PLD1: variants seen among roughly 807,000 people sequenced by gnomAD.
PLD1 encodes choline phosphatase 1.
PLD1 carries 112 observed loss-of-function variants against 137.1 expected under a neutral mutation model. That is an observed-to-expected ratio of 0.82 (90% CI 0.70 to 0.96). PLD1 has a LOEUF of 0.96. PLD1 is among the 40% of genes least tolerant of loss of function. The probability of loss-of-function intolerance (pLI) is 0.00; values close to 1 mark genes in which losing one functional copy is unlikely to be tolerated. For synonymous variants in PLD1, 431 were observed against 454.7 expected, an observed-to-expected ratio of 0.95 and a Z score of 0.66; for missense variants, 1,321 against 1,342.0, an observed-to-expected ratio of 0.98 and a Z score of 0.24.
In PLD1 at chr3:171,710,872, C is replaced by CTTTTTTTTTTTT. The variant is rs774704143; in HGVS notation, c.912-1175_912-1164dup. 5.1e-4 allele frequency among the ~76,000 whole-genome samples: 50 copies of CTTTTTTTTTTTT among 98,560 alleles called. 5 individuals are homozygous for CTTTTTTTTTTTT. The highest frequency in any genetic ancestry group is 1.8e-3 in the African/African-American group (38 of 21,370). The allele number at this position is 98,560 out of a possible 152,430, so 64.7% of individuals were successfully genotyped here. ...TTTCACTAATCATAGGAAAACTGTT[C>CTTTTTTTTTTTT]TTTTTTTTTTTTTTTTTTTGAGACG... On this transcript the variant is annotated intron_variant, in intron 9 of 26. Coordinates refer to ENST00000351298, the MANE Select transcript of PLD1 (RefSeq NM_002662.5).
intron 11 of PLD1, among the ~76,000 whole-genome samples, chr3:171,707,381 C>G (rs531515654): frequency 1.3e-5 from 2 of 152,306 alleles, no homozygotes; most frequent in South Asian, 4.1e-4. Flanking sequence ...TTTAGTCTCT[C>G]TCACATCTTC....
At chr3:171,795,156 C>T (rs926094121) in intron 1 of PLD1, among the ~76,000 whole-genome samples, 2 of 152,202 alleles carry the variant, frequency 1.3e-5, no homozygotes, top group African/African-American at 4.8e-5. Context: ...GCATTGCCAT[C>T]GCAACCAGTT....
intron 25 of PLD1, among the ~76,000 whole-genome samples, chr3:171,610,147 C>T (rs1331572773): frequency 6.6e-6 from 1 of 151,772 alleles, no homozygotes; most frequent in Non-Finnish European, 1.5e-5. Context: ...TCAAAGGAGA[C>T]AATAAAGAAG....
chr3:171,794,779 A>G (rs899081934), intron 1 of PLD1, among the ~76,000 whole-genome samples: 1 of 152,214 alleles, frequency 6.6e-6, no homozygotes, highest in Admixed American at 6.5e-5. Flanking sequence ...TTCAAATTAT[A>G]CAATAATATA....
chr3:171,627,983 T>C (rs2108320661), intron 23 of PLD1, among the ~76,000 whole-genome samples: 1 of 151,646 alleles, frequency 6.6e-6, no homozygotes, highest in African/African-American at 2.4e-5. Flanking sequence ...ATTCAAAAGC[T>C]AGCAGAAGGC....
intron 1 of PLD1, among the ~76,000 whole-genome samples, chr3:171,751,301 A>C (rs1417326099): frequency 6.6e-6 from 1 of 152,212 alleles, no homozygotes; most frequent in African/African-American, 2.4e-5. Flanking sequence ...AAAAGCACAA[A>C]CCATAAAGGA....
At chr3:171,749,372 G>A (rs1268905026) in intron 1 of PLD1, among the ~76,000 whole-genome samples, 1 of 152,156 alleles carries the variant, frequency 6.6e-6, no homozygotes, top group East Asian at 1.9e-4. Flanking sequence ...AAAACCCAGA[G>A]CTTCAGCGAG....
intron 17 of PLD1, 44 bp from the exon 18 acceptor site, chr3:171,676,877 T>C (rs780811390): frequency 1.4e-6 from 2 of 1,380,758 alleles, no homozygotes; most frequent in African/African-American, 1.4e-5. Context: ...AACTTCAGTG[T>C]TGGGGCAAAG....
intron 1 of PLD1, among the ~76,000 whole-genome samples, chr3:171,804,879 A>G (rs1723786535): frequency 6.6e-6 from 1 of 152,218 alleles, no homozygotes; most frequent in African/African-American, 2.4e-5. Context: ...TGACAAAGGT[A>G]TTAGCTCCCT....
At chr3:171,747,590 C>T (rs1720332794) in intron 1 of PLD1, among the ~76,000 whole-genome samples, 1 of 152,006 alleles carries the variant, frequency 6.6e-6, no homozygotes, top group Non-Finnish European at 1.5e-5. Flanking sequence ...ATTCCAAAGC[C>T]CATGTTTTGT....
At chr3:171,614,259 C>T (rs981555348) in intron 24 of PLD1, among the ~76,000 whole-genome samples, 1 of 152,118 alleles carries the variant, frequency 6.6e-6, no homozygotes, top group Non-Finnish European at 1.5e-5. Context: ...CTTTGAAACA[C>T]TTTGTTTTGT....
Position 171,600,634 on chromosome 3 carries a change from G to T in PLD1, c.*2444C>A, listed in dbSNP as rs1731775086. 1 of 142,586 alleles carries T rather than the reference G, an allele frequency of 7.0e-6. No individual in the cohort carries two copies. Among genetic ancestry groups the T allele is most frequent in the Admixed American group, 7.2e-5 (1 of 13,844 alleles). 8.8% of individuals were successfully genotyped at this position (142,586 alleles called of 1,614,324 possible). On this transcript the variant is annotated 3_prime_UTR_variant, in exon 27 of 27. Coordinates refer to ENST00000351298, the MANE Select transcript of PLD1 (RefSeq NM_002662.5). ...GTCCACATTTCATGCAATTTTTGCAGAATGCTGTACTATGTAAACTGCTAC... is the reference window on the plus strand; with the variant it reads ...GTCCACATTTCATGCAATTTTTGCATAATGCTGTACTATGTAAACTGCTAC...
intron 19 of PLD1, among the ~76,000 whole-genome samples, chr3:171,672,925 T>C (rs897099689): frequency 6.6e-6 from 1 of 152,236 alleles, no homozygotes; most frequent in Non-Finnish European, 1.5e-5. Context: ...GTGGAAAATA[T>C]ATGCATATGC....
chr3:171,739,124 A>G (rs1719590817), intron 1 of PLD1, among the ~76,000 whole-genome samples: 1 of 152,192 alleles, frequency 6.6e-6, no homozygotes, highest in African/African-American at 2.4e-5. Context: ...AAAATGAGGC[A>G]TCTAACCCAA....
intron 24 of PLD1, among the ~76,000 whole-genome samples, chr3:171,614,040 C>T (rs1732892710): frequency 6.6e-6 from 1 of 152,178 alleles, no homozygotes; most frequent in African/African-American, 2.4e-5. Flanking sequence ...CCTACCAGAG[C>T]TCAAATGGTG....
At chr3:171,731,521 C>G (rs1356096103) in intron 6 of PLD1, among the ~76,000 whole-genome samples, 1 of 152,144 alleles carries the variant, frequency 6.6e-6, no homozygotes. Flanking sequence ...GTGGCTCACG[C>G]CTGTAATCTC....
chr3:171,684,341 T>C (rs557952110), intron 16 of PLD1, among the ~76,000 whole-genome samples: 136 of 152,290 alleles, frequency 8.9e-4, no homozygotes, highest in Non-Finnish European at 1.6e-3. Flanking sequence ...AGTTACACAT[T>C]GAAACGATAA....
In PLD1 at chr3:171,699,843, A is replaced by G. The variant is rs1017769352; in HGVS notation, c.1146-17T>C. The G allele has an allele frequency of 1.9e-6, 3 of 1,590,822 alleles. No individual in the cohort carries two copies. The highest frequency in any genetic ancestry group is 2.6e-6 in the Non-Finnish European group (3 of 1,160,286). On this transcript the variant is annotated splice_polypyrimidine_tract_variant and intron_variant, in intron 11 of 26. Coordinates refer to ENST00000351298, the MANE Select transcript of PLD1 (RefSeq NM_002662.5). The stretch of plus-strand genomic sequence containing the variant: ...GGACTCAGCCTGAAACAATGAAACC[A>G]AGATTTTAAGTAACTAAAACAAAAT...
intron 8 of PLD1, among the ~76,000 whole-genome samples, chr3:171,715,332 A>G (rs1304070988): frequency 2.0e-5 from 3 of 152,112 alleles, no homozygotes; most frequent in South Asian, 4.1e-4. Flanking sequence ...TTTTATACCA[A>G]TACCATACTG....
Sources: gnomAD v4.1 joint callset for allele counts (sites outside exome capture counted in the v4.1 genomes callset) on GRCh38, gnomAD v4.1.1 for gene constraint, MANE v1.5 for transcripts, NCBI Gene and HGNC (gene_info 2026-07-23, HGNC 2026-07-21) for gene names.